AHCTF1: variants seen among roughly 807,000 people sequenced by gnomAD.
AHCTF1 encodes protein ELYS.
In AHCTF1, 24 loss-of-function variants were observed where a neutral mutation model predicts 248.4. The ratio of observed to expected loss-of-function variants is 0.10; its 90% CI spans 0.07 to 0.14. The LOEUF is 0.14. Among genes scored for constraint, AHCTF1 ranks in the 10% least tolerant of loss-of-function variants. The probability of loss-of-function intolerance (pLI) is 1.00; values close to 1 mark genes in which losing one functional copy is unlikely to be tolerated. For synonymous variants in AHCTF1, 786 were observed against 929.8 expected (o/e 0.85, Z 2.81); for missense variants, 2,206 against 2,636.2 (o/e 0.84, Z 3.57).
intron 1 of AHCTF1, among the ~76,000 whole-genome samples, chr1:246,920,825 C>T (rs553434436): frequency 2.1e-4 from 32 of 151,768 alleles, no homozygotes; most frequent in Non-Finnish European, 4.4e-4. Context: ...GTGCCTCACG[C>T]CTATAATCCC....
In AHCTF1 at chr1:246,890,008, T is replaced by C. The variant is rs776818511; in HGVS notation, c.2102A>G (p.Asn701Ser). Residue 701 changes from asparagine to serine, a missense_variant, in exon 17 of 36, where the codon AAC (asparagine) becomes AGC (serine). Coordinates refer to ENST00000648844, the MANE Select transcript of AHCTF1 (RefSeq NM_001323342.2). Reference protein sequence around the residue: ...RLCYNYPVIQNYYTSRRQKFE... With the variant: ...RLCYNYPVIQSYYTSRRQKFE... Reference sequence around the variant, plus strand: ...CTTCTGTCGACGACTGGTGTAGTAGTTCTGAATTACAGGGTAGTTGTAGCA... The same window carrying C: ...CTTCTGTCGACGACTGGTGTAGTAGCTCTGAATTACAGGGTAGTTGTAGCA... The C allele has an allele frequency of 5.0e-6, 8 of 1,612,820 alleles. No individual in the cohort carries two copies. Among genetic ancestry groups the C allele is most frequent in the South Asian group, 1.1e-5 (1 of 90,966 alleles).
chr1:246,900,911 A>T (rs1034524751), intron 8 of AHCTF1, among the ~76,000 whole-genome samples: 2 of 152,246 alleles, frequency 1.3e-5, no homozygotes, highest in African/African-American at 4.8e-5. Context: ...GTTATAAGGT[A>T]AAGAGAGAAA....
intron 15 of AHCTF1, 54 bp downstream of exon 15, chr1:246,891,725 T>TA (rs1249197942): frequency 8.3e-6 from 13 of 1,573,898 alleles, no homozygotes; most frequent in African/African-American, 1.4e-5. Flanking sequence ...TCGTTTCTCT[T>TA]AGTCAAGAAG....
At chr1:246,905,129 G>C (rs748841123) in intron 6 of AHCTF1, among the ~76,000 whole-genome samples, 2 of 152,182 alleles carry the variant, frequency 1.3e-5, no homozygotes, top group African/African-American at 2.4e-5. Context: ...TTCACTGAAA[G>C]AATTGTGTTG....
At chr1:246,920,762 ACT>A (rs557006429) in intron 1 of AHCTF1, among the ~76,000 whole-genome samples, 260 of 140,908 alleles carry the variant, frequency 1.8e-3, no homozygotes, top group African/African-American at 6.7e-3. Flanking sequence ...AGAGCAAAAC[ACT>A]GTCTCAAAAA....
intron 35 of AHCTF1, 97 bp downstream of exon 35, chr1:246,842,597 A>G: frequency 4.2e-6 from 4 of 942,172 alleles, no homozygotes; most frequent in Non-Finnish European, 5.8e-6. Context: ...AAATAAATAA[A>G]AATAAAATAA....
chr1:246,850,062 G>C lies in AHCTF1; in HGVS notation c.5944C>G (p.Pro1982Ala). ...RKRGRPRKIN[P>A]SEDVGSKAVK... Reference sequence around the variant, plus strand: ...GCCTTAGATCCTACATCTTCAGATGGATTGATTTTTCTTGGTCTACCACGT... The same window carrying C: ...GCCTTAGATCCTACATCTTCAGATGCATTGATTTTTCTTGGTCTACCACGT... The change falls in exon 33 of 36, where the codon CCA becomes GCA. Residue 1982 changes from proline (P) to alanine (A), a missense_variant. Pro to Ala is a conservative substitution (Grantham distance 27, BLOSUM62 -1). Transcript: ENST00000648844. 1 of 1,613,776 alleles carries C rather than the reference G, an allele frequency of 6.2e-7. No homozygotes were observed. Among genetic ancestry groups the C allele is most frequent in the Non-Finnish European group, 8.5e-7 (1 of 1,179,842 alleles).
chr1:246,898,119 G>C, intron 12 of AHCTF1, 89 bp downstream of exon 12: 1 of 1,551,680 alleles, frequency 6.4e-7, no homozygotes, highest in Non-Finnish European at 8.8e-7. Context: ...ACCTATTTTT[G>C]CAGAAATTAT....
rs756034691 is a variant in AHCTF1 at position 246,907,533 on chromosome 1, G to A, written c.764+18C>T. The A allele has an allele frequency of 1.2e-6, 2 of 1,605,274 alleles. No homozygotes were observed. The highest frequency in any genetic ancestry group is 1.7e-5 in the Admixed American group (1 of 58,270). On this transcript the variant is annotated intron_variant, in intron 5 of 35. Transcript: ENST00000648844. ...AAAAACTACCTATAATCAAATAAGG[G>A]AAAAAAGTTATACTTACTCTCTTTT...
At chr1:246,853,017 G>C in intron 32 of AHCTF1, 74 bp downstream of exon 32, 1 of 1,102,926 alleles carries the variant, frequency 9.1e-7, no homozygotes, top group Non-Finnish European at 1.3e-6. Context: ...TGTTAGATTT[G>C]AACTACTGTG....
intron 11 of AHCTF1, among the ~76,000 whole-genome samples, chr1:246,898,670 ACTC>A (rs1209192313): frequency 2.7e-5 from 4 of 150,258 alleles, no homozygotes; most frequent in Non-Finnish European, 5.9e-5. Context: ...ACACAGGAAA[ACTC>A]CTGCAGTCTA....
chr1:246,882,565 A>G (rs545389939), intron 21 of AHCTF1, among the ~76,000 whole-genome samples: 1 of 152,350 alleles, frequency 6.6e-6, no homozygotes, highest in Admixed American at 6.5e-5. Context: ...TGTATTACAA[A>G]GAAAAAAGGC....
chr1:246,863,898 T>C, intron 27 of AHCTF1, 26 bp downstream of exon 27: 3 of 1,607,128 alleles, frequency 1.9e-6, no homozygotes, highest in Non-Finnish European at 2.6e-6. Context: ...AGTTTGATTG[T>C]GAACGCTAGA....
At chr1:246,931,509 C>T in intron 1 of AHCTF1, 69 bp downstream of exon 1, 4 of 423,322 alleles carry the variant, frequency 9.4e-6, no homozygotes, top group Non-Finnish European at 1.2e-5. Context: ...GCCGCCGCCG[C>T]CGCGGGTCCA....
At chr1:246,914,204 T>C (rs1441686740) in intron 3 of AHCTF1, among the ~76,000 whole-genome samples, 2 of 152,232 alleles carry the variant, frequency 1.3e-5, no homozygotes, top group Admixed American at 1.3e-4. Flanking sequence ...TAAAAATTAA[T>C]TAGGTATGAT....
In AHCTF1 at chr1:246,861,267, A is replaced by C. The variant is rs1186591316; in HGVS notation, c.3764T>G (p.Phe1255Cys). The C allele has an allele frequency of 6.2e-7, 1 of 1,610,442 alleles. No individual in the cohort carries two copies. ...AACTGCACATTTTTTAGGTGTAGTA[A>C]ATACTTCTAATTTGCTATCATCTGC... is the stretch of plus-strand genomic sequence containing the variant. Reference protein sequence around the residue: ...GAADDSKLEVFTTPKKCAVPV... With the variant: ...GAADDSKLEVCTTPKKCAVPV... Residue 1255 changes from phenylalanine (F) to cysteine (C), a missense_variant, in exon 29 of 36, where the codon TTT becomes TGT. This residue lies in a region of AHCTF1 where 955 missense variants were observed against 1,055.6 expected (regional missense o/e 0.90). Transcript: ENST00000648844.
At chr1:246,923,625 T>A (rs1009695409) in intron 1 of AHCTF1, among the ~76,000 whole-genome samples, 1 of 152,226 alleles carries the variant, frequency 6.6e-6, no homozygotes. Flanking sequence ...TCTGGTATAA[T>A]GTGCTACTCA....
intron 7 of AHCTF1, among the ~76,000 whole-genome samples, chr1:246,903,653 C>A (rs898680526): frequency 5.4e-5 from 5 of 92,616 alleles, no homozygotes; most frequent in Non-Finnish European, 8.6e-5. Context: ...GATGGTGAGA[C>A]CCCCCCCCCT....
rs1336940656 is a variant in AHCTF1, at chr1:246,890,039, T to G, written c.2071A>C (p.Arg691=). ...EGIDDSVQLS[R]LCYNYPVIQN... The stretch of plus-strand genomic sequence containing the variant: ...ATTACAGGGTAGTTGTAGCATAACC[T>G]TGACAACTGCACAGAATCATCTAGA... Residue 691 remains arginine, a synonymous_variant, in exon 17 of 36, where the codon AGG becomes CGG. Coordinates refer to ENST00000648844, the MANE Select transcript of AHCTF1 (RefSeq NM_001323342.2). 3.7e-6 allele frequency: 6 copies of G among 1,612,254 alleles called. No individual in the cohort carries two copies. Among genetic ancestry groups the G allele is most frequent in the East Asian group, 2.2e-5 (1 of 44,790 alleles).
Sources: gnomAD v4.1 joint callset for allele counts (sites outside exome capture counted in the v4.1 genomes callset) on GRCh38, gnomAD v4.1.1 for gene constraint, gnomAD v4.1.1 regional missense constraint, MANE v1.5 for transcripts, NCBI Gene and HGNC (gene_info 2026-07-23, HGNC 2026-07-21) for gene names.